Variants in BCAS1 observed in about 807,000 individuals in gnomAD.
BCAS1 encodes the protein brain enriched myelin associated protein 1, also known as breast carcinoma-amplified sequence 1.
In BCAS1, 46 loss-of-function variants were observed where a neutral mutation model predicts 65.4. The observed-to-expected ratio is 0.70, with a 90% confidence interval of 0.55 to 0.90. The LOEUF is 0.90. Ranked by LOEUF, BCAS1 falls within the 40% of genes least tolerant of loss-of-function variation. The probability of loss-of-function intolerance (pLI) is 0.00; values close to 1 mark genes in which losing one functional copy is unlikely to be tolerated. For missense variants in BCAS1, 793 were observed against 771.2 expected (o/e 1.03, Z -0.33); for synonymous variants, 298 against 293.5 (o/e 1.02, Z -0.16).
At chr20:54,043,572 A>G (rs932101741) in intron 3 of BCAS1, among the ~76,000 whole-genome samples, 1 of 152,166 alleles carries the variant, frequency 6.6e-6, no homozygotes, top group African/African-American at 2.4e-5. Context: ...GGAGCCCTAT[A>G]AACAAGGACG....
At chr20:54,006,998 G>A (rs2091211467) in intron 4 of BCAS1, among the ~76,000 whole-genome samples, 1 of 152,162 alleles carries the variant, frequency 6.6e-6, no homozygotes. Context: ...AGGCCACGGA[G>A]GGTGAGGTGA....
chr20:54,034,398 C>T (rs1258830768), intron 3 of BCAS1, among the ~76,000 whole-genome samples: 1 of 151,228 alleles, frequency 6.6e-6, no homozygotes, highest in African/African-American at 2.4e-5. Flanking sequence ...AGTCTCAGCC[C>T]CAAAGCTTCT....
In BCAS1 at chr20:54,033,258, A is replaced by G. The variant is rs547572802; in HGVS notation, c.143-4286T>C. ...ACAGGAACTAGAGAACTGAGAGCAG[A>G]AAAACCTGAAAGCTAGCAGAAGACA... On this transcript the variant is annotated intron_variant, in intron 3 of 12. Coordinates refer to ENST00000688948, the MANE Select transcript of BCAS1 (RefSeq NM_001366298.2). Among the ~76,000 whole-genome samples the G allele has an allele frequency of 1.1e-3, 166 of 151,210 alleles. 4 individuals are homozygous for G. The highest frequency in any genetic ancestry group is 3.7e-3 in the African/African-American group (154 of 41,472).
At chr20:53,975,287 G>T in intron 9 of BCAS1, 102 bp downstream of exon 9, 1 of 962,888 alleles carries the variant, frequency 1.0e-6, no homozygotes. Context: ...AATCACACTG[G>T]CAGCATGCAA....
In BCAS1 at chr20:53,995,907, A is replaced by G; in HGVS notation, c.867T>C (p.Ser289=). ...AIAENNNSIM[S]FFKTLVSPNK... is the part of the protein sequence containing the mutation. Reference sequence around the variant, plus strand: ...AACTGCTTACCAGAGTTTTAAAGAAACTCATGATGGAATTATTATTCTCTG... The same window carrying G: ...AACTGCTTACCAGAGTTTTAAAGAAGCTCATGATGGAATTATTATTCTCTG... The change falls in exon 5 of 13, where the codon AGT becomes AGC. Residue 289 remains serine, a synonymous_variant. Transcript: ENST00000688948. 1 of 1,604,634 alleles carries G rather than the reference A, an allele frequency of 6.2e-7. No homozygotes were observed. The highest frequency in any genetic ancestry group is 8.5e-7 in the Non-Finnish European group (1 of 1,175,656).
intron 4 of BCAS1, among the ~76,000 whole-genome samples, chr20:54,021,797 G>C (rs1427251213): frequency 6.6e-6 from 1 of 152,008 alleles, no homozygotes; most frequent in East Asian, 1.9e-4. Flanking sequence ...CTAGGTGATG[G>C]GATGATAGGT....
intron 10 of BCAS1, among the ~76,000 whole-genome samples, chr20:53,966,122 A>G (rs1472894047): frequency 6.6e-6 from 1 of 152,194 alleles, no homozygotes; most frequent in Non-Finnish European, 1.5e-5. Flanking sequence ...CAATCCCACT[A>G]CTGGGTATCT....
intron 3 of BCAS1, among the ~76,000 whole-genome samples, chr20:54,050,838 G>A (rs886297001): frequency 1.3e-5 from 2 of 152,180 alleles, no homozygotes; most frequent in African/African-American, 4.8e-5. Context: ...AAGAACAAAT[G>A]TTAACTAAAT....
intron 3 of BCAS1, among the ~76,000 whole-genome samples, chr20:54,036,210 C>T (rs2091897549): frequency 6.6e-6 from 1 of 150,756 alleles, no homozygotes; most frequent in Admixed American, 6.6e-5. Context: ...ACAAACCTGC[C>T]CGTGTACCCC....
intron 4 of BCAS1, among the ~76,000 whole-genome samples, chr20:54,019,630 C>T (rs1310938007): frequency 1.3e-5 from 2 of 152,144 alleles, no homozygotes; most frequent in Non-Finnish European, 2.9e-5. Flanking sequence ...AGAAGAAGAC[C>T]CACCCTCAAT....
chr20:53,975,433 A>G lies in BCAS1; in HGVS notation c.1276-3T>C, dbSNP rs1361175458. 1.2e-6 allele frequency: 2 copies of G among 1,611,020 alleles called. No homozygotes were observed. Among genetic ancestry groups the G allele is most frequent in the South Asian group, 2.2e-5 (2 of 90,950 alleles). On this transcript the variant is annotated splice_polypyrimidine_tract_variant and splice_region_variant and intron_variant, in intron 8 of 12. Coordinates refer to ENST00000688948, the MANE Select transcript of BCAS1 (RefSeq NM_001366298.2). ...GGGACTGAGTCCTCTTTAACTGACT[A>G]AAGGAAGATAAAAACAAAAGTGAGA...
At chr20:54,033,673 A>C (rs942935684) in intron 3 of BCAS1, among the ~76,000 whole-genome samples, 2 of 151,162 alleles carry the variant, frequency 1.3e-5, no homozygotes, top group African/African-American at 4.8e-5. Context: ...TACCAACCAT[A>C]AAAAAACCCA....
In BCAS1 at chr20:54,056,168, C is replaced by A. The variant is rs566419268; in HGVS notation, c.142+1917G>T. 3.4e-4 allele frequency among the ~76,000 whole-genome samples: 51 copies of A among 152,168 alleles called. 1 individual carries two copies. Among genetic ancestry groups the A allele is most frequent in the Admixed American group, 2.7e-3 (42 of 15,276 alleles). ...TAAGAGTAGATTGTAAGGGTCCTCA[C>A]CACACCCTACAACAAAAACAAAAAA... On this transcript the variant is annotated intron_variant, in intron 3 of 12. Coordinates refer to ENST00000688948, the MANE Select transcript of BCAS1 (RefSeq NM_001366298.2).
intron 3 of BCAS1, among the ~76,000 whole-genome samples, chr20:54,032,932 A>C (rs1306941659): frequency 6.6e-6 from 1 of 151,086 alleles, no homozygotes; most frequent in Admixed American, 6.6e-5. Context: ...GGAAATTAAC[A>C]AAGATATTCA....
chr20:54,066,742 C>G (rs911278409), intron 1 of BCAS1, among the ~76,000 whole-genome samples: 24 of 152,268 alleles, frequency 1.6e-4, no homozygotes, highest in African/African-American at 5.5e-4. Flanking sequence ...TCTTGGACTT[C>G]CAGCCTCCAG....
chr20:53,950,763 T>G (rs796769692), intron 12 of BCAS1, among the ~76,000 whole-genome samples: 6 of 152,312 alleles, frequency 3.9e-5, no homozygotes, highest in African/African-American at 1.4e-4. Context: ...AAAGGGCCAG[T>G]TGGCAAAAAT....
intron 10 of BCAS1, among the ~76,000 whole-genome samples, chr20:53,965,483 A>G (rs2090002353): frequency 6.6e-6 from 1 of 152,188 alleles, no homozygotes; most frequent in Admixed American, 6.5e-5. Context: ...CAACTGATTT[A>G]GGTTTTGTTG....
intron 4 of BCAS1, among the ~76,000 whole-genome samples, chr20:54,019,503 A>G (rs962779574): frequency 4.6e-5 from 7 of 152,336 alleles, no homozygotes; most frequent in African/African-American, 1.7e-4. Context: ...GCTGGTTAAC[A>G]TTAGGTGTCA....
chr20:54,021,590 T>A (rs2091560042), intron 4 of BCAS1, among the ~76,000 whole-genome samples: 2 of 151,588 alleles, frequency 1.3e-5, no homozygotes, highest in Admixed American at 6.6e-5. Flanking sequence ...GGGATATGGA[T>A]GGAGCTGGAA....
Sources: allele counts gnomAD v4.1 joint callset (sites outside exome capture counted in the v4.1 genomes callset), GRCh38; gene constraint gnomAD v4.1.1; transcripts MANE v1.5; gene names NCBI Gene and HGNC (gene_info 2026-07-23, HGNC 2026-07-21).